LRFN2: variants seen among roughly 807,000 people sequenced by gnomAD.
The protein encoded by LRFN2 is leucine rich repeat and fibronectin type III domain containing 2, also known as leucine-rich repeat and fibronectin type-III domain-containing protein 2.
A neutral mutation model predicts 37.3 loss-of-function variants in LRFN2; 18 were observed. That is an observed-to-expected ratio of 0.48 (90% confidence interval 0.33 to 0.72). The LOEUF (loss-of-function observed/expected upper bound fraction) is 0.72. Among genes scored for constraint, LRFN2 ranks in the 30% least tolerant of loss-of-function variants. The pLI is 0.02. For missense variants in LRFN2, 1,006 were observed against 1,060.7 expected, an observed-to-expected ratio of 0.95 and a Z score of 0.72; for synonymous variants, 556 against 466.6, an observed-to-expected ratio of 1.19 and a Z score of -2.47.
intron 1 of LRFN2, among the ~76,000 whole-genome samples, chr6:40,507,294 AT>A (rs141625705): frequency 6.6e-6 from 1 of 151,876 alleles, no homozygotes; most frequent in Non-Finnish European, 1.5e-5. Context: ...CTAAAAGGGG[AT>A]TTTTTTTACC....
intron 2 of LRFN2, among the ~76,000 whole-genome samples, chr6:40,393,346 G>A (rs772059590): frequency 4.6e-5 from 7 of 151,918 alleles, no homozygotes; most frequent in Non-Finnish European, 8.8e-5. Context: ...GACCGAGGAT[G>A]TGTCAGAGAC....
chr6:40,452,853 G>T (rs1764143603), intron 1 of LRFN2, among the ~76,000 whole-genome samples: 1 of 152,206 alleles, frequency 6.6e-6, no homozygotes, highest in Non-Finnish European at 1.5e-5. Context: ...GTGAGAAAGA[G>T]GAATAGGGGA....
At chr6:40,579,780 C>T (rs1042083009) in intron 1 of LRFN2, among the ~76,000 whole-genome samples, 3 of 152,138 alleles carry the variant, frequency 2.0e-5, no homozygotes, top group Non-Finnish European at 2.9e-5. Context: ...CTGAGGGCTG[C>T]GTGCACACAG....
At chr6:40,471,977 G>A (rs1764608066) in intron 1 of LRFN2, among the ~76,000 whole-genome samples, 1 of 152,160 alleles carries the variant, frequency 6.6e-6, no homozygotes, top group South Asian at 2.1e-4. Context: ...CCAAATGCTG[G>A]AGGGCCCAGT....
At chr6:40,575,757 G>A (rs765781620) in intron 1 of LRFN2, among the ~76,000 whole-genome samples, 2 of 151,450 alleles carry the variant, frequency 1.3e-5, no homozygotes, top group South Asian at 2.1e-4. Context: ...GTGACAGCAT[G>A]CATCCTGGTT....
Position 40,392,214 on chromosome 6 carries a change from C to T in LRFN2, c.2099G>A (p.Gly700Glu). Residue 700 changes from glycine to glutamate, a missense_variant, in exon 3 of 3, where the codon GGG (glycine) becomes GAG (glutamate). By Grantham distance (98) the Gly-to-Glu change is moderately conservative (BLOSUM62 -2). Coordinates refer to ENST00000338305, the MANE Select transcript of LRFN2 (RefSeq NM_020737.3). The surrounding 1 kb of genome is among the most constrained non-coding windows in gnomAD (Gnocchi z 4.7). ...GHHSDREPLL[G>E]PPAARARSLL... ...GCTCCTGGCCCGGGCCGCAGGGGGC[C>T]CCAGCAGTGGCTCTCGGTCCGAGTG... The T allele has an allele frequency of 6.4e-7, 1 of 1,571,020 alleles. No homozygotes were observed. Among genetic ancestry groups the T allele is most frequent in the Non-Finnish European group, 8.6e-7 (1 of 1,159,686 alleles).
At chr6:40,482,932 G>A (rs368109635) in intron 1 of LRFN2, among the ~76,000 whole-genome samples, 82 of 152,296 alleles carry the variant, frequency 5.4e-4, no homozygotes, top group African/African-American at 1.6e-3. Context: ...CTGTGCCCAC[G>A]CCACTGCCAG....
chr6:40,396,761 T>C (rs935167867), intron 2 of LRFN2, among the ~76,000 whole-genome samples: 2 of 151,658 alleles, frequency 1.3e-5, no homozygotes, highest in Non-Finnish European at 2.9e-5. Context: ...TGTGTGTGTG[T>C]GTTGGCGGTA....
chr6:40,578,536 A>G (rs1767336396), intron 1 of LRFN2, among the ~76,000 whole-genome samples: 1 of 152,222 alleles, frequency 6.6e-6, no homozygotes, highest in Non-Finnish European at 1.5e-5. Context: ...GACAAATGAG[A>G]TCATGTGGAG....
intron 2 of LRFN2, among the ~76,000 whole-genome samples, chr6:40,398,622 G>A (rs1471760480): frequency 6.6e-6 from 1 of 151,790 alleles, no homozygotes; most frequent in Non-Finnish European, 1.5e-5. Context: ...TTTCCATCAT[G>A]TAAACTACCA....
intron 1 of LRFN2, among the ~76,000 whole-genome samples, chr6:40,568,684 T>TTTCCTTCC (rs369194708): frequency 0.24 from 31,502 of 131,596 alleles, 4,212 homozygotes; most frequent in East Asian, 0.36. Context: ...GTCTCCCCCA[T>TTTCCTTCC]TTCCTTCCTT....
rs191445290 is a variant in LRFN2 at position 40,493,073 on chromosome 6, T to G, written c.-18-59942A>C. The stretch of plus-strand genomic sequence containing the variant: ...CAGGAAGAGGGGAGCAAGGAGACTA[T>G]GACATATGAAAGAGCCAAACCCTGG... On this transcript the variant is annotated intron_variant, in intron 1 of 2. Transcript: ENST00000338305. Among the ~76,000 whole-genome samples, 490 of 152,120 alleles carry G rather than the reference T, an allele frequency of 3.2e-3. 3 individuals are homozygous for G. The highest frequency in any genetic ancestry group is 0.011 in the African/African-American group (460 of 41,498).
intron 1 of LRFN2, among the ~76,000 whole-genome samples, chr6:40,534,147 T>G (rs1766405487): frequency 6.6e-6 from 1 of 152,148 alleles, no homozygotes; most frequent in African/African-American, 2.4e-5. Context: ...CTGAACCACT[T>G]TCGAACATTC....
chr6:40,409,122 C>T (rs1762907352), intron 2 of LRFN2, among the ~76,000 whole-genome samples: 1 of 152,232 alleles, frequency 6.6e-6, no homozygotes, highest in Admixed American at 6.5e-5. Context: ...AGGACACAAG[C>T]ATTCAAACTA....
At chr6:40,470,817 A>G (rs1482359808) in intron 1 of LRFN2, among the ~76,000 whole-genome samples, 1 of 152,158 alleles carries the variant, frequency 6.6e-6, no homozygotes, top group Non-Finnish European at 1.5e-5. Flanking sequence ...CTGGGCCTGG[A>G]CCCACCTCCA....
At chr6:40,580,011 AG>A (rs763174720) in intron 1 of LRFN2, among the ~76,000 whole-genome samples, 17 of 152,348 alleles carry the variant, frequency 1.1e-4, no homozygotes, top group African/African-American at 4.1e-4. Flanking sequence ...AGCAAGCTAA[AG>A]GAATGGCAGG....
rs375159497 is a variant in LRFN2, at chr6:40,432,702, C to T, written c.412G>A (p.Gly138Ser). ...HLIVNNNQLGGIADEAFEDFL... is the reference protein window; with the variant it reads ...HLIVNNNQLGSIADEAFEDFL... ...TCCTCAAAAGCCTCATCTGCGATGC[C>T]GCCCAGCTGGTTGTTGTTCACGATA... The change falls in exon 2 of 3, where the codon GGC (glycine) becomes AGC (serine). Residue 138 changes from glycine to serine, a missense_variant. Around this residue, in one of 4 missense-constraint regions of LRFN2, gnomAD observed 185 missense variants for 254.9 expected, o/e 0.73. Coordinates refer to ENST00000338305, the MANE Select transcript of LRFN2 (RefSeq NM_020737.3). The T allele has an allele frequency of 2.3e-5, 37 of 1,614,028 alleles. No homozygotes were observed. The highest frequency in any genetic ancestry group is 3.3e-5 in the Admixed American group (2 of 60,006).
At position 40,432,562 on chromosome 6, in the gene LRFN2, C is replaced by T. The variant is rs147104443; in HGVS notation, c.552G>A (p.Leu184=). ...AGGTGCCCTCGGCGATGTGATCCAG[C>T]AGGTTGTGGTCCAGGCTCAGCTGGT... ...NLHQLSLDHN[L]LDHIAEGTFA... The change falls in exon 2 of 3, where the codon CTG becomes CTA. Residue 184 remains leucine, a synonymous_variant. Coordinates refer to ENST00000338305, the MANE Select transcript of LRFN2 (RefSeq NM_020737.3). 6.2e-7 allele frequency: 1 copy of T among 1,614,234 alleles called. No individual in the cohort carries two copies. Among genetic ancestry groups the T allele is most frequent in the South Asian group, 1.1e-5 (1 of 91,086 alleles).
chr6:40,490,031 T>TGGAGCCC (rs757550114), intron 1 of LRFN2, among the ~76,000 whole-genome samples: 29 of 152,146 alleles, frequency 1.9e-4, no homozygotes, highest in Non-Finnish European at 3.8e-4. Context: ...GCCGCTTGCC[T>TGGAGCCC]GGAGCCCGGA....
Sources: gnomAD v4.1 joint callset for allele counts (sites outside exome capture counted in the v4.1 genomes callset) on GRCh38, gnomAD v4.1.1 for gene constraint, gnomAD v4.1.1 regional missense constraint, Gnocchi (gnomAD v3.1) non-coding constraint, MANE v1.5 for transcripts, NCBI Gene and HGNC (gene_info 2026-07-23, HGNC 2026-07-21) for gene names.